The following NUP98 variants were observed in gnomAD, a reference collection of about 807,000 sequenced individuals.
NUP98 encodes nucleoporin 98 and 96 precursor.
A neutral mutation model predicts 191.9 loss-of-function variants in NUP98; 26 were observed. That is an observed-to-expected ratio of 0.14 (90% CI 0.10 to 0.19). The LOEUF (loss-of-function observed/expected upper bound fraction) is 0.19. NUP98 is among the 10% of genes least tolerant of loss of function. The probability of loss-of-function intolerance (pLI) is 1.00; values close to 1 mark genes in which losing one functional copy is unlikely to be tolerated. For missense variants in NUP98, 1,941 were observed against 2,178.8 expected, an observed-to-expected ratio of 0.89 and a Z score of 2.17; for synonymous variants, 808 against 778.4, an observed-to-expected ratio of 1.04 and a Z score of -0.63.
intron 21 of NUP98, among the ~76,000 whole-genome samples, chr11:3,705,770 C>G (rs560244589): frequency 6.6e-6 from 1 of 152,198 alleles, no homozygotes; most frequent in East Asian, 1.9e-4. Context: ...TAAAAGTACC[C>G]TGTGATGTAG....
intron 6 of NUP98, among the ~76,000 whole-genome samples, chr11:3,772,241 AAAAAT>A (rs2081554300): frequency 6.6e-6 from 1 of 152,176 alleles, no homozygotes; most frequent in African/African-American, 2.4e-5. Flanking sequence ...CCTAAAATAT[AAAAAT>A]AAAATAAAAA....
chr11:3,768,596 T>A lies in NUP98; in HGVS notation c.933A>T (p.Pro311=). ...GTTTCCTTACCATGGTGTTGGTGCT[T>A]GGCTGTCCTATGGTGCTGGTATTAC... The part of the protein sequence containing the change: ...SFGNTSTIGQ[P]STNTMGLFGV... Residue 311 remains proline, a synonymous_variant, in exon 8 of 33, where the codon CCA becomes CCT. Coordinates refer to ENST00000324932, the MANE Select transcript of NUP98 (RefSeq NM_016320.5). The A allele has an allele frequency of 6.3e-7, 1 of 1,594,698 alleles. No homozygotes were observed. The highest frequency in any genetic ancestry group is 1.1e-5 in the South Asian group (1 of 88,840).
chr11:3,705,752 CAG>C (rs1564825479), intron 21 of NUP98, among the ~76,000 whole-genome samples: 1 of 152,134 alleles, frequency 6.6e-6, no homozygotes, highest in East Asian at 1.9e-4. Context: ...GGAGCACATA[CAG>C]AGTCTTAAAA....
intron 4 of NUP98, among the ~76,000 whole-genome samples, chr11:3,777,620 CAAAAAAAAAA>C (rs35614116): frequency 3.4e-5 from 2 of 59,472 alleles, no homozygotes; most frequent in African/African-American, 1.3e-4. Flanking sequence ...GACTCCGTCT[CAAAAAAAAAA>C]AAAAAAAAAA....
At chr11:3,715,551 A>G (rs543269652) in intron 18 of NUP98, among the ~76,000 whole-genome samples, 114 of 151,852 alleles carry the variant, frequency 7.5e-4, no homozygotes, top group Non-Finnish European at 1.2e-3. Context: ...GGTCATTTGT[A>G]TATCTTTGGA....
chr11:3,738,012 A>G (rs1040872606), intron 12 of NUP98, among the ~76,000 whole-genome samples: 6 of 150,096 alleles, frequency 4.0e-5, no homozygotes, highest in African/African-American at 1.5e-4. Context: ...ACAGGCAATT[A>G]CTCATTTAGA....
chr11:3,718,059 C>A (rs1045279794), intron 18 of NUP98, among the ~76,000 whole-genome samples: 1 of 152,132 alleles, frequency 6.6e-6, no homozygotes, highest in African/African-American at 2.4e-5. Flanking sequence ...TCTTTGGTTA[C>A]TGAATAAGGT....
At chr11:3,682,194 T>A (rs1411199995) in intron 30 of NUP98, among the ~76,000 whole-genome samples, 5 of 152,246 alleles carry the variant, frequency 3.3e-5, no homozygotes, top group Non-Finnish European at 5.9e-5. Flanking sequence ...TGGTTTCATC[T>A]ATCCAGATCA....
rs764286008 is a variant in NUP98 at position 3,693,283 on chromosome 11, T to C, written c.4260A>G (p.Pro1420=). 6.2e-7 allele frequency: 1 copy of C among 1,614,190 alleles called. No homozygotes were observed. The highest frequency in any genetic ancestry group is 8.5e-7 in the Non-Finnish European group (1 of 1,180,030). The change falls in exon 27 of 33, where the codon CCA becomes CCG. Residue 1420 remains proline (P), a synonymous_variant. Transcript: ENST00000324932. The part of the protein sequence containing the change: ...SLAIHLWYLL[P]PTASISRALS... Reference sequence around the variant, plus strand: ...GCGCCCTAGAAATGGAGGCTGTTGGTGGAAGCAAATACCAAAGATGGATAG... The same window carrying C: ...GCGCCCTAGAAATGGAGGCTGTTGGCGGAAGCAAATACCAAAGATGGATAG...
intron 18 of NUP98, among the ~76,000 whole-genome samples, chr11:3,718,740 TAG>T (rs200433449): frequency 0.051 from 7,692 of 152,204 alleles, 248 homozygotes; most frequent in Middle Eastern, 0.099. Flanking sequence ...CACACTAAAA[TAG>T]AGAGTTAAGT....
intron 1 of NUP98, among the ~76,000 whole-genome samples, chr11:3,789,255 A>T (rs1260960472): frequency 6.6e-6 from 1 of 151,992 alleles, no homozygotes; most frequent in Non-Finnish European, 1.5e-5. Flanking sequence ...ATGTCCCCTC[A>T]CTCTAAACTT....
chr11:3,776,714 G>A (rs1488754176), intron 4 of NUP98, among the ~76,000 whole-genome samples: 1 of 150,922 alleles, frequency 6.6e-6, no homozygotes, highest in African/African-American at 2.4e-5. Flanking sequence ...GGATGGTCTC[G>A]ATCTCTTGAC....
intron 25 of NUP98, 81 bp downstream of exon 25, chr11:3,699,001 T>C: frequency 6.6e-7 from 1 of 1,510,888 alleles, no homozygotes; most frequent in Non-Finnish European, 9.0e-7. Flanking sequence ...CAAAGGGAAA[T>C]GCACAATTAG....
intron 14 of NUP98, among the ~76,000 whole-genome samples, chr11:3,729,692 G>T (rs1243479481): frequency 8.7e-6 from 1 of 115,086 alleles, no homozygotes; most frequent in African/African-American, 3.4e-5. Context: ...TCCAGCCTGG[G>T]CAATGGCATA....
chr11:3,775,403 G>A (rs896195576), intron 5 of NUP98, among the ~76,000 whole-genome samples: 3 of 152,056 alleles, frequency 2.0e-5, no homozygotes, highest in Non-Finnish European at 2.9e-5. Context: ...GGGTATGGTG[G>A]TGGACTCTTG....
At chr11:3,717,026 C>T (rs568317484) in intron 18 of NUP98, among the ~76,000 whole-genome samples, 2 of 152,180 alleles carry the variant, frequency 1.3e-5, no homozygotes, top group East Asian at 1.9e-4. Flanking sequence ...TTCTTTGACA[C>T]GTGGTCTCGC....
intron 12 of NUP98, among the ~76,000 whole-genome samples, chr11:3,741,938 G>T (rs2672221): frequency 0.87 from 131,807 of 152,264 alleles, 57,301 homozygotes; most frequent in East Asian, 0.96. Flanking sequence ...CCTCTAAGTA[G>T]TCAAAGGTTA....
chr11:3,692,153 AT>A (rs1412933416), intron 27 of NUP98, among the ~76,000 whole-genome samples: 1 of 152,114 alleles, frequency 6.6e-6, no homozygotes, highest in Non-Finnish European at 1.5e-5. Flanking sequence ...ACATAAAAAG[AT>A]AAGAAAAAAA....
intron 1 of NUP98, among the ~76,000 whole-genome samples, chr11:3,792,601 A>T (rs1268889558): frequency 6.6e-6 from 1 of 152,104 alleles, no homozygotes; most frequent in African/African-American, 2.4e-5. Context: ...ACAAAGCAAG[A>T]CTCTGTCTCA....
Sources: gnomAD v4.1 joint callset for allele counts (sites outside exome capture counted in the v4.1 genomes callset) on GRCh38, gnomAD v4.1.1 for gene constraint, MANE v1.5 for transcripts, NCBI Gene and HGNC (gene_info 2026-07-23, HGNC 2026-07-21) for gene names.